Variants in TNFRSF10A observed in about 807,000 individuals in gnomAD.
TNFRSF10A encodes tumor necrosis factor receptor superfamily member 10A.
TNFRSF10A carries 44 observed loss-of-function variants against 42.8 expected under a neutral mutation model. That is an observed-to-expected ratio of 1.03 (90% CI 0.81 to 1.32). The LOEUF (loss-of-function observed/expected upper bound fraction) is 1.32. TNFRSF10A is among the 40% of genes most tolerant of loss of function. The pLI, the probability that TNFRSF10A is intolerant of heterozygous loss-of-function variation, is 0.00. For missense variants in TNFRSF10A, 680 were observed against 602.0 expected (o/e 1.13, Z -1.36); for synonymous variants, 259 against 234.2 (o/e 1.11, Z -0.97).
chr8:23,219,102 G>GC lies in TNFRSF10A; in HGVS notation c.306+5653_306+5654insG, dbSNP rs1351786026. ...CACAGCCTCTCTGGAGGTGGGGGGT[G>GC]GGGGAGGTGGCCCCCATGCTTCCTG... On this transcript the variant is annotated intron_variant, in intron 1 of 9. Transcript: ENST00000221132. 1.8e-3 allele frequency among the ~76,000 whole-genome samples: 274 copies of GC among 152,216 alleles called. 1 individual carries two copies. Among genetic ancestry groups the GC allele is most frequent in the African/African-American group, 6.4e-3 (266 of 41,532 alleles).
rs1201251228 is a variant in TNFRSF10A at position 23,224,771 on chromosome 8, G to A, written c.291C>T (p.Val97=). 2 of 1,568,030 alleles carry A rather than the reference G, an allele frequency of 1.3e-6. No homozygotes were observed. Among genetic ancestry groups the A allele is most frequent in the African/African-American group, 1.4e-5 (1 of 74,072 alleles). Residue 97 remains valine (V), a synonymous_variant, in exon 1 of 10, where the codon GTC becomes GTT. Coordinates refer to ENST00000221132, the MANE Select transcript of TNFRSF10A (RefSeq NM_003844.4). The stretch of plus-strand genomic sequence containing the variant: ...GGGGACTCACCTGCAGCAGGACCCC[G>A]ACGACGACAAACTTGAAGGTCTTGT... The part of the protein sequence containing the change: ...RVHKTFKFVV[V]GVLLQVVPSS...
chr8:23,222,246 C>G (rs1218995563), intron 1 of TNFRSF10A, among the ~76,000 whole-genome samples: 1 of 152,124 alleles, frequency 6.6e-6, no homozygotes, highest in Admixed American at 6.5e-5. Flanking sequence ...TTAGCAATAT[C>G]CAAACAAAAT....
chr8:23,192,646 A>C (rs1052660694), intron 9 of TNFRSF10A, among the ~76,000 whole-genome samples: 22 of 152,250 alleles, frequency 1.4e-4, no homozygotes, highest in Non-Finnish European at 1.5e-5. Flanking sequence ...GTACCAAGCT[A>C]TGTTTTCTAA....
intron 8 of TNFRSF10A, 29 bp from the exon 9 acceptor site, chr8:23,197,233 T>C: frequency 6.2e-7 from 1 of 1,613,930 alleles, no homozygotes; most frequent in Non-Finnish European, 8.5e-7. Context: ...AATGCCTTGG[T>C]CTGAGTCAGG....
At position 23,200,791 on chromosome 8, in the gene TNFRSF10A, C is replaced by A. The variant is rs181606656; in HGVS notation, c.630-31G>T. ...TACACACAGGGAGGGAGGGGGGGGA[C>A]TCTTGATGGAAAGCTGGCCAGGTGG... is the stretch of plus-strand genomic sequence containing the variant. On this transcript the variant is annotated intron_variant, in intron 4 of 9. Transcript: ENST00000221132. 1.6e-3 allele frequency: 2,568 copies of A among 1,586,758 alleles called. 51 individuals carry two copies. In the East Asian group the frequency reaches 0.045, roughly 28 times the overall value.
At chr8:23,223,333 G>A (rs1801283445) in intron 1 of TNFRSF10A, among the ~76,000 whole-genome samples, 1 of 152,220 alleles carries the variant, frequency 6.6e-6, no homozygotes. Context: ...CCAGAGTGCT[G>A]GGATTACAGG....
Position 23,200,371 on chromosome 8 carries a change from G to T in TNFRSF10A, c.799+134C>A. On this transcript the variant is annotated intron_variant, in intron 6 of 9. Transcript: ENST00000221132. ...GTTGCACAGGATGGGAGGATGGGGG[G>T]TGATCACAAGGAGGAAGATAGAGCC... 7 of 950,028 alleles carry T rather than the reference G, an allele frequency of 7.4e-6. 1 individual carries two copies. In the South Asian group the frequency reaches 1.0e-4, roughly 14 times the overall value. 58.8% of individuals were successfully genotyped at this position (950,028 alleles called of 1,614,324 possible). A position where few individuals can be genotyped will look rare whatever the true frequency, so the allele number is the denominator to read the frequency against.
In TNFRSF10A at chr8:23,201,823, C is replaced by T. The variant is rs747279227; in HGVS notation, c.614G>A (p.Arg205Gln). The T allele has an allele frequency of 5.6e-5, 90 of 1,614,064 alleles. No individual in the cohort carries two copies. Among genetic ancestry groups the T allele is most frequent in the Non-Finnish European group, 6.6e-5 (78 of 1,180,012 alleles). ...GTTGTCTCACCCTCTGCTGCACTTC[C>T]GGCACATCTCAGCAGAATTGTCATT... is the stretch of plus-strand genomic sequence containing the variant. ...FRNDNSAEMC[R>Q]KCSRGCPRGM... The change falls in exon 4 of 10, where the codon CGG (arginine) becomes CAG (glutamine). Residue 205 changes from arginine to glutamine, a missense_variant. Transcript: ENST00000221132.
At chr8:23,207,397 A>G (rs1801030322) in intron 2 of TNFRSF10A, 1 of 545,130 alleles carries the variant, frequency 1.8e-6, no homozygotes, top group Non-Finnish European at 3.6e-6. Context: ...AATTCTAAAT[A>G]CATGTATATG....
intron 2 of TNFRSF10A, among the ~76,000 whole-genome samples, chr8:23,206,500 T>G (rs376861738): frequency 4.9e-4 from 74 of 152,366 alleles, no homozygotes; most frequent in African/African-American, 1.7e-3. Flanking sequence ...ATCATTGTGT[T>G]ACAATTGTCT....
At chr8:23,200,870 A>C in intron 4 of TNFRSF10A, 110 bp from the exon 5 acceptor site, 1 of 1,023,470 alleles carries the variant, frequency 9.8e-7, no homozygotes, top group South Asian at 1.4e-5. Flanking sequence ...GCGTCAGGGG[A>C]AGGATAGTCT....
chr8:23,191,904 A>G lies in TNFRSF10A; in HGVS notation c.1197T>C (p.Ala399=), dbSNP rs754627550. The change falls in exon 10 of 10, where the codon GCT becomes GCC. Residue 399 remains alanine, a synonymous_variant. Transcript: ENST00000221132. ...LTKNEIDVVR[A]GTAGPGDALY... ...AGGCATCCCCTGGGCCTGCTGTACC[A>G]GCTCTGACCACATCGATCTCATTTT... is the stretch of plus-strand genomic sequence containing the variant. 1.7e-5 allele frequency: 28 copies of G among 1,614,012 alleles called. 1 individual carries two copies. The East Asian group carries it at 2.5e-4, about 14-fold the overall frequency.
At chr8:23,199,139 T>TC (rs1292154993) in intron 8 of TNFRSF10A, 127 bp downstream of exon 8, 1 of 1,168,484 alleles carries the variant, frequency 8.6e-7, no homozygotes, top group Non-Finnish European at 1.2e-6. Flanking sequence ...GGCTGCTTTT[T>TC]CCCACGCAGC....
intron 1 of TNFRSF10A, among the ~76,000 whole-genome samples, chr8:23,219,127 G>A (rs1292382400): frequency 1.3e-5 from 2 of 152,106 alleles, no homozygotes; most frequent in Non-Finnish European, 2.9e-5. Flanking sequence ...CATGCTTCCT[G>A]ATAGTTATTT....
rs148383409 is a variant in TNFRSF10A at position 23,199,347 on chromosome 8, A to G, written c.933T>C (p.Ser311=). Residue 311 remains serine, a synonymous_variant, in exon 8 of 10, where the codon TCT becomes TCC. Coordinates refer to ENST00000221132, the MANE Select transcript of TNFRSF10A (RefSeq NM_003844.4). ...GCTCCTGGCTTTCCATTTGCTGCTC[A>G]GAGACGAAAGTGGACAGCGAGTCTG... is the stretch of plus-strand genomic sequence containing the variant. ...SNADSLSTFV[S]EQQMESQEPA... 1.3e-4 allele frequency: 216 copies of G among 1,614,190 alleles called. No homozygotes were observed. In the African/African-American group the frequency reaches 2.7e-3, roughly 20 times the overall value.
intron 4 of TNFRSF10A, 39 bp downstream of exon 4, chr8:23,201,769 T>C (rs1563379570): frequency 6.3e-7 from 1 of 1,591,414 alleles, no homozygotes; most frequent in South Asian, 1.1e-5. Context: ...TTCTGTGGGT[T>C]CTTTGAGGCT....
chr8:23,209,087 C>T (rs1035401815), intron 2 of TNFRSF10A, among the ~76,000 whole-genome samples: 6 of 152,140 alleles, frequency 3.9e-5, no homozygotes, highest in African/African-American at 1.4e-4. Context: ...CTAAAAGGGG[C>T]CAAGGTACAG....
chr8:23,207,153 A>G (rs1301082544), intron 2 of TNFRSF10A: 2 of 595,862 alleles, frequency 3.4e-6, no homozygotes, highest in Non-Finnish European at 6.4e-6. Context: ...TGAGTATGCC[A>G]TGAAGAAGAT....
chr8:23,223,316 C>T (rs55650056), intron 1 of TNFRSF10A, among the ~76,000 whole-genome samples: 4 of 152,116 alleles, frequency 2.6e-5, no homozygotes, highest in South Asian at 2.1e-4. Flanking sequence ...CCGCCCGCCT[C>T]GGCCTCCCAG....
Sources: allele counts gnomAD v4.1 joint callset (sites outside exome capture counted in the v4.1 genomes callset), GRCh38; gene constraint gnomAD v4.1.1; transcripts MANE v1.5; gene names NCBI Gene and HGNC (gene_info 2026-07-23, HGNC 2026-07-21).